The following MGA variants were observed in gnomAD, a reference collection of about 807,000 sequenced individuals.
MGA encodes the protein MAX dimerization protein MGA, also known as MAX gene-associated protein.
In MGA, 40 loss-of-function variants were observed where a neutral mutation model predicts 261.1. The observed-to-expected ratio is 0.15, with a 90% confidence interval of 0.12 to 0.20. The LOEUF (loss-of-function observed/expected upper bound fraction) is 0.20. Ranked by LOEUF, MGA falls within the 10% of genes least tolerant of loss-of-function variation. The pLI is 1.00. For synonymous variants in MGA, 1,302 were observed against 1,290.6 expected (o/e 1.01, Z -0.19); for missense variants, 3,397 against 3,630.5 (o/e 0.94, Z 1.65).
At chr15:41,743,446 A>G (rs1296554996) in intron 15 of MGA, among the ~76,000 whole-genome samples, 2 of 152,248 alleles carry the variant, frequency 1.3e-5, no homozygotes, top group African/African-American at 2.4e-5. Context: ...CTTGAGAGAT[A>G]ACTTGAACAA....
At chr15:41,735,221 T>C (rs1313714427) in intron 12 of MGA, among the ~76,000 whole-genome samples, 1 of 152,026 alleles carries the variant, frequency 6.6e-6, no homozygotes, top group Non-Finnish European at 1.5e-5. Context: ...ACCCTGAGGA[T>C]TATGGGGGCC....
chr15:41,698,969 G>A, intron 4 of MGA, 28 bp downstream of exon 4: 1 of 1,544,132 alleles, frequency 6.5e-7, no homozygotes, highest in Non-Finnish European at 8.8e-7. Flanking sequence ...AAAAAGAGTT[G>A]TATTTGTGGT....
chr15:41,736,354 C>G lies in MGA; in HGVS notation c.4090C>G (p.Pro1364Ala). ...ATCCCAGCACATCAATAGCAACATGCCACAATCACTTAAGGTGGGCAGCTT... is the reference window on the plus strand; with the variant it reads ...ATCCCAGCACATCAATAGCAACATGGCACAATCACTTAAGGTGGGCAGCTT... The change falls in exon 13 of 24, where the codon CCA becomes GCA. Residue 1364 changes from proline to alanine, a missense_variant. This residue lies in a region of MGA where 1,410 missense variants were observed against 1,386.4 expected (regional missense o/e 1.02). Coordinates refer to ENST00000219905, the MANE Select transcript of MGA (RefSeq NM_001164273.2). The G allele has an allele frequency of 6.2e-7, 1 of 1,613,940 alleles. No homozygotes were observed. The highest frequency in any genetic ancestry group is 1.1e-5 in the South Asian group (1 of 91,074).
intron 1 of MGA, among the ~76,000 whole-genome samples, chr15:41,630,929 G>A (rs909226595): frequency 6.6e-6 from 1 of 152,142 alleles, no homozygotes; most frequent in African/African-American, 2.4e-5. Context: ...CAGCCTGTGA[G>A]TCCAAAGTAG....
At chr15:41,644,224 G>C (rs918414844) in intron 1 of MGA, among the ~76,000 whole-genome samples, 1 of 151,598 alleles carries the variant, frequency 6.6e-6, no homozygotes, top group Non-Finnish European at 1.5e-5. Flanking sequence ...ATACAGGCCA[G>C]GTACAGTGAG....
At position 41,768,407 on chromosome 15, in the gene MGA, T is replaced by C. The variant is rs1332672608; in HGVS notation, c.*1127T>C. On this transcript the variant is annotated 3_prime_UTR_variant, in exon 24 of 24. Coordinates refer to ENST00000219905, the MANE Select transcript of MGA (RefSeq NM_001164273.2). Reference sequence around the variant, plus strand: ...AGATATTTATATTTTTGTATAGTTGTTTTCATAGATTTCTCAAAGGCTGAA... The same window carrying C: ...AGATATTTATATTTTTGTATAGTTGCTTTCATAGATTTCTCAAAGGCTGAA... The C allele has an allele frequency of 6.6e-6, 1 of 152,626 alleles. No homozygotes were observed. Among genetic ancestry groups the C allele is most frequent in the Non-Finnish European group, 1.5e-5 (1 of 68,042 alleles). 9.5% of individuals were successfully genotyped at this position (152,626 alleles called of 1,614,324 possible).
At chr15:41,622,394 A>G (rs11639146) in intron 1 of MGA, among the ~76,000 whole-genome samples, 110,414 of 148,746 alleles carry the variant, frequency 0.74, 42,371 homozygotes, top group East Asian at 0.89. Context: ...GACAACCGCC[A>G]CCCCGCCAAA....
intron 2 of MGA, among the ~76,000 whole-genome samples, chr15:41,674,754 T>C (rs2151017992): frequency 6.6e-6 from 1 of 152,132 alleles, no homozygotes; most frequent in African/African-American, 2.4e-5. Context: ...TCTTGACCTC[T>C]TGATCCGCCC....
At chr15:41,648,076 A>G (rs964353240) in intron 1 of MGA, among the ~76,000 whole-genome samples, 2 of 152,254 alleles carry the variant, frequency 1.3e-5, no homozygotes, top group African/African-American at 2.4e-5. Context: ...GCTTCTAAAT[A>G]TAATTATTTG....
In MGA at chr15:41,766,470, A is replaced by G; in HGVS notation, c.8388A>G (p.Thr2796=). 6.2e-7 allele frequency: 1 copy of G among 1,614,032 alleles called. No homozygotes were observed. The highest frequency in any genetic ancestry group is 8.5e-7 in the Non-Finnish European group (1 of 1,179,904). Residue 2796 remains threonine (T), a synonymous_variant, in exon 24 of 24, where the codon ACA becomes ACG. Transcript: ENST00000219905. Reference sequence around the variant, plus strand: ...TAGAGATGGAACTGAGGAAAGTAACATCAGCTATAGAGGAAGCAGCTCTTG... The same window carrying G: ...TAGAGATGGAACTGAGGAAAGTAACGTCAGCTATAGAGGAAGCAGCTCTTG...
chr15:41,695,346 G>A (rs1283262025), intron 2 of MGA, among the ~76,000 whole-genome samples: 1 of 152,024 alleles, frequency 6.6e-6, no homozygotes, highest in African/African-American at 2.4e-5. Flanking sequence ...GTGCTACCAC[G>A]CTGAGCTAAT....
chr15:41,744,178 A>C (rs1256804166), intron 15 of MGA, among the ~76,000 whole-genome samples: 1 of 151,712 alleles, frequency 6.6e-6, no homozygotes, highest in East Asian at 1.9e-4. Context: ...AAGTGAATCT[A>C]TATATATATA....
chr15:41,661,689 A>G (rs2057412789), intron 1 of MGA, among the ~76,000 whole-genome samples: 1 of 152,212 alleles, frequency 6.6e-6, no homozygotes, highest in African/African-American at 2.4e-5. Context: ...GTGTTGTTGT[A>G]GAGCTTGCCA....
At chr15:41,676,465 A>G (rs1251900230) in intron 2 of MGA, among the ~76,000 whole-genome samples, 2 of 152,246 alleles carry the variant, frequency 1.3e-5, no homozygotes, top group African/African-American at 2.4e-5. Context: ...GGTTTGATAT[A>G]TTTAAAACAA....
Position 41,742,541 on chromosome 15 carries a change from T to G in MGA, c.4586-5T>G. On this transcript the variant is annotated splice_region_variant and splice_polypyrimidine_tract_variant and intron_variant, in intron 14 of 23. Transcript: ENST00000219905. ...GATTTTTGACCTGCAAATTTCTGTT[T>G]GCAGCGGCTCGACCCTCTCCTGGTG... 2.5e-6 allele frequency: 4 copies of G among 1,608,000 alleles called. No individual in the cohort carries two copies. The highest frequency in any genetic ancestry group is 3.4e-6 in the Non-Finnish European group (4 of 1,176,448).
chr15:41,674,398 A>C (rs1355962773), intron 2 of MGA, among the ~76,000 whole-genome samples: 3 of 152,028 alleles, frequency 2.0e-5, no homozygotes, highest in East Asian at 3.9e-4. Context: ...GGGTTTCAGC[A>C]TGTTGGCCAG....
At chr15:41,735,877 C>G (rs1194872067) in intron 12 of MGA, among the ~76,000 whole-genome samples, 1 of 152,130 alleles carries the variant, frequency 6.6e-6, no homozygotes, top group Non-Finnish European at 1.5e-5. Context: ...TGAAGCTTAA[C>G]CTTGGTTGTA....
intron 22 of MGA, among the ~76,000 whole-genome samples, chr15:41,764,290 G>A (rs1370312993): frequency 7.9e-6 from 1 of 127,356 alleles, no homozygotes; most frequent in African/African-American, 3.0e-5. Context: ...GTCTCGCTCT[G>A]TTGCCCAGGG....
chr15:41,695,376 A>G (rs1259452646), intron 2 of MGA, among the ~76,000 whole-genome samples: 2 of 151,926 alleles, frequency 1.3e-5, no homozygotes, highest in Non-Finnish European at 1.5e-5. Context: ...TTTAGTAGAG[A>G]TGGGGTTTCA....
Sources: gnomAD v4.1 joint callset for allele counts (sites outside exome capture counted in the v4.1 genomes callset) on GRCh38, gnomAD v4.1.1 for gene constraint, gnomAD v4.1.1 regional missense constraint, MANE v1.5 for transcripts, NCBI Gene and HGNC (gene_info 2026-07-23, HGNC 2026-07-21) for gene names.